SFI1: variants seen among roughly 807,000 people sequenced by gnomAD.
SFI1 encodes SFI1 centrin binding protein.
SFI1 carries 195 observed loss-of-function variants against 207.5 expected under a neutral mutation model. That is an observed-to-expected ratio of 0.94 (90% CI 0.84 to 1.06). The LOEUF is 1.06. Ranked by LOEUF, SFI1 falls within the 50% of genes least tolerant of loss-of-function variation. The pLI, the probability that SFI1 is intolerant of heterozygous loss-of-function variation, is 0.00. For synonymous variants in SFI1, 630 were observed against 598.9 expected (o/e 1.05, Z -0.76); for missense variants, 1,634 against 1,588.0 (o/e 1.03, Z -0.49).
intron 6 of SFI1, among the ~76,000 whole-genome samples, chr22:31,554,995 C>T (rs563989768): frequency 6.6e-6 from 1 of 152,080 alleles, no homozygotes; most frequent in African/African-American, 2.4e-5. Context: ...TTAAGGATTT[C>T]TAGTTTATTC....
chr22:31,503,194 C>T (rs1302692485), intron 1 of SFI1, among the ~76,000 whole-genome samples: 1 of 151,954 alleles, frequency 6.6e-6, no homozygotes, highest in Non-Finnish European at 1.5e-5. Flanking sequence ...GAGTAAGGCA[C>T]AGGTCTCAGA....
intron 7 of SFI1, among the ~76,000 whole-genome samples, chr22:31,557,999 G>A (rs1811023818): frequency 6.6e-6 from 1 of 152,156 alleles, no homozygotes; most frequent in East Asian, 1.9e-4. Flanking sequence ...TGAAAGTTGG[G>A]TATTGAACAA....
chr22:31,547,858 C>T (rs2060240239), intron 5 of SFI1, among the ~76,000 whole-genome samples: 1 of 151,004 alleles, frequency 6.6e-6, no homozygotes, highest in African/African-American at 2.4e-5. Context: ...GATCCTGCCA[C>T]CTTGGCCTCC....
At chr22:31,605,159 C>G (rs2068756038) in intron 20 of SFI1, 1 of 402,188 alleles carries the variant, frequency 2.5e-6, no homozygotes, top group East Asian at 3.9e-5. Flanking sequence ...TGGAAAGCAG[C>G]TGTTACCTGC....
At chr22:31,583,004 GCCTCAT>G (rs2064542473) in intron 12 of SFI1, among the ~76,000 whole-genome samples, 1 of 152,032 alleles carries the variant, frequency 6.6e-6, no homozygotes, top group African/African-American at 2.4e-5. Flanking sequence ...GCTCATCGTA[GCCTCAT>G]CCTCCTGGGC....
At chr22:31,538,268 C>CT (rs368355802) in intron 4 of SFI1, 99,240 of 142,020 alleles carry the variant, frequency 0.7, 35,017 homozygotes, top group Non-Finnish European at 0.77. Flanking sequence ...CAGCCTTAAC[C>CT]TTTTTTTTTT....
At chr22:31,557,405 T>C (rs1198742056) in intron 7 of SFI1, among the ~76,000 whole-genome samples, 1 of 151,752 alleles carries the variant, frequency 6.6e-6, no homozygotes, top group African/African-American at 2.4e-5. Flanking sequence ...CCCAGGCTGG[T>C]CTTGAGTTCG....
chr22:31,539,324 G>T (rs982141084), intron 4 of SFI1, among the ~76,000 whole-genome samples: 9 of 152,084 alleles, frequency 5.9e-5, no homozygotes, highest in African/African-American at 2.2e-4. Flanking sequence ...AACTTCCAGT[G>T]GCTTCCTGCT....
intron 2 of SFI1, among the ~76,000 whole-genome samples, chr22:31,521,027 G>A (rs867928703): frequency 0.012 from 1,434 of 122,164 alleles, 7 homozygotes; most frequent in Middle Eastern, 0.034. Flanking sequence ...AAAAAAAAAA[G>A]TAGAGTTCAA....
chr22:31,614,025 G>A, intron 27 of SFI1, 170 bp downstream of exon 27: 2 of 850,314 alleles, frequency 2.4e-6, no homozygotes, highest in South Asian at 2.5e-5. Context: ...CCCTCCCACG[G>A]CAAGAGGGAG....
At chr22:31,546,045 C>G (rs1433860415) in intron 4 of SFI1, among the ~76,000 whole-genome samples, 1 of 151,262 alleles carries the variant, frequency 6.6e-6, no homozygotes, top group African/African-American at 2.4e-5. Flanking sequence ...AGAGCATGCC[C>G]CCGCTATGCC....
intron 1 of SFI1, among the ~76,000 whole-genome samples, chr22:31,505,648 G>T (rs892319564): frequency 6.6e-6 from 1 of 152,082 alleles, no homozygotes. Flanking sequence ...ACTTTGGGAG[G>T]CTAAGGTGGA....
intron 29 of SFI1, chr22:31,616,023 C>T (rs990046475): frequency 2.0e-5 from 3 of 151,930 alleles, no homozygotes; most frequent in Non-Finnish European, 4.4e-5. Context: ...CAGCACAGGC[C>T]GAAGGTAACC....
intron 10 of SFI1, among the ~76,000 whole-genome samples, chr22:31,577,427 G>T (rs566092961): frequency 6.6e-6 from 1 of 152,234 alleles, no homozygotes; most frequent in East Asian, 1.9e-4. Context: ...TAGAGACAGG[G>T]TCACATGTTG....
At chr22:31,601,131 T>A (rs902436363) in intron 15 of SFI1, among the ~76,000 whole-genome samples, 170 of 107,584 alleles carry the variant, frequency 1.6e-3, no homozygotes, top group Non-Finnish European at 2.4e-3. Flanking sequence ...TTCTTTACTT[T>A]TTTTTTTTTT....
intron 4 of SFI1, among the ~76,000 whole-genome samples, chr22:31,542,541 C>T (rs150372179): frequency 6.7e-4 from 101 of 151,756 alleles, no homozygotes; most frequent in Non-Finnish European, 1.2e-3. Flanking sequence ...GGAAGGAGAA[C>T]CGCTTGAACC....
chr22:31,589,089 T>A (rs971183467), intron 14 of SFI1, among the ~76,000 whole-genome samples: 2 of 152,156 alleles, frequency 1.3e-5, no homozygotes, highest in South Asian at 4.1e-4. Context: ...ATAAATTGTT[T>A]AGGTTCAAAA....
intron 6 of SFI1, among the ~76,000 whole-genome samples, 177 bp from the exon 7 acceptor site, chr22:31,556,765 C>T (rs1195472488): frequency 6.6e-6 from 1 of 152,150 alleles, no homozygotes; most frequent in African/African-American, 2.4e-5. Context: ...TTGCACAGAG[C>T]CTTCATGTGT....
At chr22:31,565,976 T>C (rs1232131458) in intron 8 of SFI1, among the ~76,000 whole-genome samples, 2 of 152,032 alleles carry the variant, frequency 1.3e-5, no homozygotes, top group Admixed American at 1.3e-4. Context: ...GCCCTATCTA[T>C]GTGGATAGAC....
Sources: allele counts gnomAD v4.1 joint callset (sites outside exome capture counted in the v4.1 genomes callset), GRCh38; gene constraint gnomAD v4.1.1; transcripts MANE v1.5; gene names NCBI Gene and HGNC (gene_info 2026-07-23, HGNC 2026-07-21).